The following TMTC2 variants were observed in gnomAD, a reference collection of about 807,000 sequenced individuals.
TMTC2 encodes the protein transmembrane O-mannosyltransferase targeting cadherins 2.
TMTC2 carries 43 observed loss-of-function variants against 82.4 expected under a neutral mutation model. The observed-to-expected ratio is 0.52, with a 90% confidence interval of 0.41 to 0.67. TMTC2 has a LOEUF of 0.67. Among genes scored for constraint, TMTC2 ranks in the 30% least tolerant of loss-of-function variants. The pLI is 0.00. For synonymous variants in TMTC2, 408 were observed against 381.9 expected (o/e 1.07, Z -0.80); for missense variants, 919 against 1,012.4 (o/e 0.91, Z 1.25).
intron 1 of TMTC2, among the ~76,000 whole-genome samples, chr12:82,783,837 C>A (rs1175499823): frequency 6.6e-6 from 1 of 151,994 alleles, no homozygotes; most frequent in African/African-American, 2.4e-5. Context: ...ATCAAAGCAG[C>A]AATCAACCTC....
intron 4 of TMTC2, among the ~76,000 whole-genome samples, chr12:82,937,920 T>TA (rs11406082): frequency 0.74 from 95,132 of 128,986 alleles, 35,996 homozygotes; most frequent in South Asian, 0.86. Flanking sequence ...TTTTTTTTTT[T>TA]TATTTTTTTT....
At chr12:82,764,091 G>A (rs1876804393) in intron 1 of TMTC2, among the ~76,000 whole-genome samples, 2 of 152,140 alleles carry the variant, frequency 1.3e-5, no homozygotes, top group Admixed American at 1.3e-4. Context: ...ACATCAATAT[G>A]GGAAAGCAGA....
chr12:82,968,660 G>A (rs957604602), intron 7 of TMTC2, among the ~76,000 whole-genome samples: 1 of 152,102 alleles, frequency 6.6e-6, no homozygotes, highest in Non-Finnish European at 1.5e-5. Flanking sequence ...TGGTGATGAT[G>A]TTCACTAGAG....
intron 11 of TMTC2, among the ~76,000 whole-genome samples, chr12:83,117,869 C>T (rs1362517197): frequency 6.6e-6 from 1 of 151,518 alleles, no homozygotes. Flanking sequence ...GGTCCTTCAC[C>T]TCCTTGGTTA....
chr12:82,864,670 T>A (rs1565783500), intron 2 of TMTC2, among the ~76,000 whole-genome samples: 1 of 151,012 alleles, frequency 6.6e-6, no homozygotes, highest in African/African-American at 2.4e-5. Flanking sequence ...CCCAGCTAAT[T>A]TTTTGTATTT....
At chr12:82,960,387 G>A (rs1352634245) in intron 4 of TMTC2, among the ~76,000 whole-genome samples, 2 of 152,002 alleles carry the variant, frequency 1.3e-5, no homozygotes, top group Non-Finnish European at 2.9e-5. Flanking sequence ...TCTAGGTTCT[G>A]TTAATGATGG....
At chr12:82,956,727 T>C (rs1051331443) in intron 4 of TMTC2, among the ~76,000 whole-genome samples, 2 of 152,066 alleles carry the variant, frequency 1.3e-5, no homozygotes, top group Non-Finnish European at 2.9e-5. Context: ...ATACTAGGAT[T>C]ACAGGGATGA....
rs528773496 is a variant in TMTC2 at position 82,980,240 on chromosome 12, A to T, written c.1949-5685A>T. Among the ~76,000 whole-genome samples, 22 of 151,972 alleles carry T rather than the reference A, an allele frequency of 1.4e-4. No individual in the cohort carries two copies. In the South Asian group the frequency reaches 3.9e-3, roughly 27 times the overall value. On this transcript the variant is annotated intron_variant, in intron 7 of 11. Coordinates refer to ENST00000321196, the MANE Select transcript of TMTC2 (RefSeq NM_152588.3). ...CAAATTAGTTCCTAAGGAACAAATT[A>T]AAAGTAACCTATAAAAGGGAACTTA...
At chr12:82,907,240 A>T (rs1874368590) in intron 3 of TMTC2, among the ~76,000 whole-genome samples, 2 of 151,762 alleles carry the variant, frequency 1.3e-5, no homozygotes, top group Non-Finnish European at 2.9e-5. Context: ...AAGTCGGGTG[A>T]ATCATGAGGT....
chr12:82,870,469 T>A (rs892863439), intron 2 of TMTC2, among the ~76,000 whole-genome samples: 4 of 152,246 alleles, frequency 2.6e-5, no homozygotes, highest in Non-Finnish European at 5.9e-5. Context: ...AGGTCTCTTC[T>A]CTTTCATGCC....
intron 4 of TMTC2, among the ~76,000 whole-genome samples, chr12:82,947,036 C>T (rs1353879779): frequency 6.6e-6 from 1 of 151,808 alleles, no homozygotes; most frequent in Non-Finnish European, 1.5e-5. Flanking sequence ...GCCACCGCAC[C>T]CGGCCCAGGC....
At chr12:82,799,631 C>T (rs561577864) in intron 1 of TMTC2, among the ~76,000 whole-genome samples, 1 of 152,262 alleles carries the variant, frequency 6.6e-6, no homozygotes, top group Non-Finnish European at 1.5e-5. Flanking sequence ...TTCTCAGCTT[C>T]TGGTGGTTTG....
intron 8 of TMTC2, among the ~76,000 whole-genome samples, chr12:83,009,657 C>T (rs139446914): frequency 1.9e-3 from 294 of 152,198 alleles, no homozygotes; most frequent in African/African-American, 6.3e-3. Context: ...AAAAACACTG[C>T]GAGAACTAAT....
At chr12:83,114,276 A>G (rs2137550256) in intron 11 of TMTC2, among the ~76,000 whole-genome samples, 1 of 152,196 alleles carries the variant, frequency 6.6e-6, no homozygotes, top group Middle Eastern at 3.4e-3. Flanking sequence ...AAAAATAGTA[A>G]GAGGAAACAC....
intron 11 of TMTC2, among the ~76,000 whole-genome samples, chr12:83,076,886 C>T (rs532712442): frequency 4.1e-4 from 63 of 152,236 alleles, no homozygotes; most frequent in Non-Finnish European, 7.4e-5. Flanking sequence ...ACAGATAAAT[C>T]ATATTATACC....
At chr12:82,694,763 T>G (rs1212865532) in intron 1 of TMTC2, among the ~76,000 whole-genome samples, 1 of 148,156 alleles carries the variant, frequency 6.7e-6, no homozygotes, top group African/African-American at 2.5e-5. Flanking sequence ...AAAAGTATAA[T>G]TATTCCACAG....
chr12:82,987,003 CAT>C (rs1315016829), intron 8 of TMTC2, among the ~76,000 whole-genome samples: 2 of 152,018 alleles, frequency 1.3e-5, no homozygotes, highest in African/African-American at 2.4e-5. Context: ...ATTAGAAAAA[CAT>C]AGAGCAAATG....
At chr12:82,870,065 A>G (rs1166340626) in intron 2 of TMTC2, among the ~76,000 whole-genome samples, 1 of 152,104 alleles carries the variant, frequency 6.6e-6, no homozygotes, top group Non-Finnish European at 1.5e-5. Context: ...TAGACTGGAG[A>G]CTAGTATTGG....
At chr12:82,790,728 G>A (rs1457186713) in intron 1 of TMTC2, among the ~76,000 whole-genome samples, 3 of 151,554 alleles carry the variant, frequency 2.0e-5, no homozygotes, top group Non-Finnish European at 4.4e-5. Context: ...TCAGGAGGCT[G>A]AGGCAGGAGA....
Sources: allele counts gnomAD v4.1 joint callset (sites outside exome capture counted in the v4.1 genomes callset), GRCh38; gene constraint gnomAD v4.1.1; transcripts MANE v1.5; gene names NCBI Gene and HGNC (gene_info 2026-07-23, HGNC 2026-07-21).